BLTP2: variants seen among roughly 807,000 people sequenced by gnomAD.
The protein encoded by BLTP2 is U937-associated antigen.
At chr17:28,635,438 C>G in the BLTP2 span, 7 of 1,614,012 alleles carry the variant, frequency 4.3e-6, no homozygotes, top group African/African-American at 2.7e-5. Flanking sequence ...GGGGCACGGC[C>G]TTCTAGCTCA....
the BLTP2 span, chr17:28,628,302 G>C: frequency 6.2e-7 from 1 of 1,614,180 alleles, no homozygotes; most frequent in Non-Finnish European, 8.5e-7. Context: ...CACTGAAGCT[G>C]GGAGTGTTAA....
chr17:28,628,097 T>A, the BLTP2 span, among the ~76,000 whole-genome samples: 2 of 152,182 alleles, frequency 1.3e-5, no homozygotes, highest in South Asian at 4.1e-4. Context: ...TGCCCCAACA[T>A]CACTGTTACT....
the BLTP2 span, among the ~76,000 whole-genome samples, chr17:28,618,118 A>G: frequency 2.6e-5 from 4 of 151,706 alleles, no homozygotes; most frequent in East Asian, 7.7e-4. Flanking sequence ...TTCTTAGTAG[A>G]GATGGGGTTT....
At chr17:28,633,246 C>T in the BLTP2 span, 1 of 1,599,686 alleles carries the variant, frequency 6.3e-7, no homozygotes. Context: ...ACCTGAGCCC[C>T]TCATCCCATG....
At chr17:28,630,985 G>A in the BLTP2 span, among the ~76,000 whole-genome samples, 4 of 152,130 alleles carry the variant, frequency 2.6e-5, no homozygotes, top group Non-Finnish European at 5.9e-5. Flanking sequence ...AAATGAGTTT[G>A]TCATAAAGTA....
At chr17:28,626,564 C>A in the BLTP2 span, among the ~76,000 whole-genome samples, 3 of 152,186 alleles carry the variant, frequency 2.0e-5, no homozygotes, top group Non-Finnish European at 4.4e-5. Flanking sequence ...TTCAGCCCCC[C>A]ACCCAACCCA....
chr17:28,623,590 AAAAAAGCACTAC>A, the BLTP2 span, among the ~76,000 whole-genome samples: 3 of 152,236 alleles, frequency 2.0e-5, no homozygotes, highest in East Asian at 5.8e-4. Context: ...AGGAAAAAAA[AAAAAAGCACTAC>A]ATGCTTCCAG....
At chr17:28,642,073 G>A in the BLTP2 span, 1 of 1,613,762 alleles carries the variant, frequency 6.2e-7, no homozygotes, top group Non-Finnish European at 8.5e-7. Context: ...CTAGGCAGGT[G>A]TCCTCCTGTG....
chr17:28,616,719 TG>T, the BLTP2 span: 1 of 1,614,076 alleles, frequency 6.2e-7, no homozygotes, highest in Non-Finnish European at 8.5e-7. This position sits in a 1 kb window ranked among gnomAD's most constrained non-coding sequence, Gnocchi z 4.8. Flanking sequence ...GAAGAACTGG[TG>T]TGTCAGCTGG....
the BLTP2 span, among the ~76,000 whole-genome samples, chr17:28,624,676 C>A: frequency 6.6e-6 from 1 of 152,080 alleles, no homozygotes; most frequent in African/African-American, 2.4e-5. Flanking sequence ...ATGATCTCTC[C>A]CTTACCCCCA....
chr17:28,617,144 T>G, the BLTP2 span: 1 of 1,268,336 alleles, frequency 7.9e-7, no homozygotes, highest in Non-Finnish European at 1.1e-6. Context: ...CACATTGTTT[T>G]CCATAGTGGA....
chr17:28,638,688 G>A, the BLTP2 span: 1 of 1,111,010 alleles, frequency 9.0e-7, no homozygotes, highest in South Asian at 1.4e-5. Context: ...AAGAACTGCA[G>A]CTTCCTATCA....
At chr17:28,621,351 T>C in the BLTP2 span, 1 of 1,520,156 alleles carries the variant, frequency 6.6e-7, no homozygotes, top group East Asian at 2.3e-5. Flanking sequence ...CCCTTTGGGA[T>C]GCACATCTGC....
At chr17:28,619,773 A>C in the BLTP2 span, 1 of 1,614,084 alleles carries the variant, frequency 6.2e-7, no homozygotes, top group Non-Finnish European at 8.5e-7. Flanking sequence ...CATCCTGCAA[A>C]GACTAGGGAA....
the BLTP2 span, chr17:28,639,809 G>A: frequency 1.3e-6 from 2 of 1,518,210 alleles, no homozygotes; most frequent in Non-Finnish European, 1.8e-6. Flanking sequence ...CAGTTACACT[G>A]AGATTAGATT....
At chr17:28,633,800 T>C in the BLTP2 span, 4 of 1,600,212 alleles carry the variant, frequency 2.5e-6, no homozygotes, top group Admixed American at 6.7e-5. Flanking sequence ...ATTACCCCTC[T>C]CTTCCTCCTT....
At chr17:28,643,394 T>C in the BLTP2 span, 2 of 1,554,752 alleles carry the variant, frequency 1.3e-6, no homozygotes, top group Non-Finnish European at 1.8e-6. Context: ...CACTTTCTCA[T>C]CCTTCCTAGA....
the BLTP2 span, among the ~76,000 whole-genome samples, chr17:28,626,911 C>T: frequency 6.6e-6 from 1 of 152,154 alleles, no homozygotes; most frequent in Non-Finnish European, 1.5e-5. Flanking sequence ...TGTGGGAACC[C>T]GTTTATAGCC....
At chr17:28,635,694 G>GTGCTCATAGAT in the BLTP2 span, 1 of 1,386,626 alleles carries the variant, frequency 7.2e-7, no homozygotes, top group Middle Eastern at 2.5e-4. Flanking sequence ...ATGCACACCT[G>GTGCTCATAGAT]GCTCAAGAAC....
Sources: gnomAD v4.1 joint callset for allele counts (sites outside exome capture counted in the v4.1 genomes callset) on GRCh38, gnomAD v4.1.1 for gene constraint, Gnocchi (gnomAD v3.1) non-coding constraint, MANE v1.5 for transcripts, NCBI Gene and HGNC (gene_info 2026-07-23, HGNC 2026-07-21) for gene names.